COL25A1: variants seen among roughly 807,000 people sequenced by gnomAD.
COL25A1 encodes the protein collagen type XXV alpha 1 chain.
COL25A1 carries 103 observed loss-of-function variants against 128.4 expected under a neutral mutation model. That is an observed-to-expected ratio of 0.80 (90% CI 0.68 to 0.94). The LOEUF is 0.94. Among genes scored for constraint, COL25A1 ranks in the 40% least tolerant of loss-of-function variants. The probability of loss-of-function intolerance (pLI) is 0.00; values close to 1 mark genes in which losing one functional copy is unlikely to be tolerated. For missense variants in COL25A1, 745 were observed against 840.0 expected, an observed-to-expected ratio of 0.89 and a Z score of 1.40; for synonymous variants, 279 against 277.2, an observed-to-expected ratio of 1.01 and a Z score of -0.06.
At chr4:109,076,088 G>A (rs1440659000) in intron 3 of COL25A1, among the ~76,000 whole-genome samples, 1 of 152,164 alleles carries the variant, frequency 6.6e-6, no homozygotes, top group Non-Finnish European at 1.5e-5. Context: ...ATGATTTAAT[G>A]TGTAAGGGAG....
chr4:109,233,403 G>A (rs1209005364), intron 3 of COL25A1, among the ~76,000 whole-genome samples: 1 of 151,906 alleles, frequency 6.6e-6, no homozygotes, highest in Non-Finnish European at 1.5e-5. Flanking sequence ...GATCCAACTA[G>A]TACAAAACTA....
chr4:109,099,267 T>G (rs1206075976), intron 3 of COL25A1, among the ~76,000 whole-genome samples: 1 of 149,866 alleles, frequency 6.7e-6, no homozygotes, highest in South Asian at 2.1e-4. Context: ...TAACAACAAA[T>G]AAGAAATGAG....
intron 16 of COL25A1, 131 bp from the exon 17 acceptor site, chr4:108,889,864 G>T (rs1295450896): frequency 2.9e-6 from 2 of 698,288 alleles, no homozygotes; most frequent in Non-Finnish European, 5.0e-6. Flanking sequence ...CTACGTTCCA[G>T]AAGACTTTGT....
At chr4:108,912,744 A>G (rs1010962629) in intron 13 of COL25A1, among the ~76,000 whole-genome samples, 1 of 152,204 alleles carries the variant, frequency 6.6e-6, no homozygotes, top group African/African-American at 2.4e-5. Flanking sequence ...ACTTGACTCA[A>G]TGGCTTAAGC....
intron 6 of COL25A1, among the ~76,000 whole-genome samples, chr4:108,983,745 G>A (rs1578978430): frequency 6.6e-6 from 1 of 151,724 alleles, no homozygotes; most frequent in Non-Finnish European, 1.5e-5. Flanking sequence ...TCTTAAGGCG[G>A]TGCGTCTGGA....
rs139550052 is a variant in COL25A1 at position 109,026,341 on chromosome 4, A to G, written c.421-15966T>C. ...GAAATCAAGATTGGAGAGAATTTCAAGAAGGCAAATTGATTAAAACAAGGA... is the reference window on the plus strand; with the variant it reads ...GAAATCAAGATTGGAGAGAATTTCAGGAAGGCAAATTGATTAAAACAAGGA... On this transcript the variant is annotated intron_variant, in intron 5 of 37. Coordinates refer to ENST00000399132, the MANE Select transcript of COL25A1 (RefSeq NM_198721.4). 7.5e-3 allele frequency among the ~76,000 whole-genome samples: 1,147 copies of G among 152,330 alleles called. 6 individuals carry two copies. Among genetic ancestry groups the G allele is most frequent in the Middle Eastern group, 0.017 (5 of 294 alleles).
chr4:108,851,341 G>A (rs1196166844), intron 26 of COL25A1, among the ~76,000 whole-genome samples: 1 of 152,028 alleles, frequency 6.6e-6, no homozygotes, highest in Non-Finnish European at 1.5e-5. Context: ...CAGTAATATT[G>A]TAATTTATAT....
rs897779084 is a variant in COL25A1 at position 108,899,188 on chromosome 4, A to G, written c.835-8T>C. ...TTGTTCTCCAGGTTCTCCCTGAGCAAAAAGACAGAGATTGGGTGACATCAA... is the reference window on the plus strand; with the variant it reads ...TTGTTCTCCAGGTTCTCCCTGAGCAGAAAGACAGAGATTGGGTGACATCAA... On this transcript the variant is annotated splice_region_variant and splice_polypyrimidine_tract_variant and intron_variant, in intron 14 of 37. Transcript: ENST00000399132. The G allele has an allele frequency of 1.9e-6, 3 of 1,608,174 alleles. No homozygotes were observed. Among genetic ancestry groups the G allele is most frequent in the Middle Eastern group, 1.7e-4 (1 of 6,044 alleles).
intron 3 of COL25A1, among the ~76,000 whole-genome samples, chr4:109,248,269 C>CT (rs141123476): frequency 0.044 from 6,706 of 151,906 alleles, 489 homozygotes; most frequent in African/African-American, 0.15. Flanking sequence ...TTAATATTTC[C>CT]TTTTTTAGAC....
intron 8 of COL25A1, among the ~76,000 whole-genome samples, chr4:108,971,695 G>C (rs1751933116): frequency 6.6e-6 from 1 of 152,178 alleles, no homozygotes; most frequent in Admixed American, 6.5e-5. Context: ...TCATTCTAAA[G>C]TTTTACACAG....
intron 3 of COL25A1, among the ~76,000 whole-genome samples, chr4:109,241,886 T>C (rs1779920204): frequency 6.6e-6 from 1 of 152,112 alleles, no homozygotes; most frequent in South Asian, 2.1e-4. Context: ...CCTGATGTAT[T>C]CATAAGTCTT....
intron 3 of COL25A1, among the ~76,000 whole-genome samples, chr4:109,090,367 A>G (rs561680341): frequency 6.6e-6 from 1 of 152,244 alleles, no homozygotes; most frequent in South Asian, 2.1e-4. Context: ...CTTCACATAA[A>G]AATTTTTTCA....
intron 6 of COL25A1, among the ~76,000 whole-genome samples, chr4:108,991,238 A>G (rs764695439): frequency 2.6e-5 from 4 of 152,212 alleles, no homozygotes; most frequent in Non-Finnish European, 5.9e-5. Flanking sequence ...ATTAGAAAAC[A>G]TAGCATAAAG....
intron 31 of COL25A1, among the ~76,000 whole-genome samples, chr4:108,833,239 G>T (rs1488298632): frequency 6.6e-6 from 1 of 152,174 alleles, no homozygotes; most frequent in Non-Finnish European, 1.5e-5. Context: ...AGCTCTGTTG[G>T]GGGCAGCAGG....
At chr4:109,252,017 G>A (rs947209294) in intron 3 of COL25A1, among the ~76,000 whole-genome samples, 15 of 152,358 alleles carry the variant, frequency 9.8e-5, no homozygotes, top group African/African-American at 3.4e-4. Flanking sequence ...TGAAATCCAT[G>A]AGCATGGGAA....
At chr4:108,860,847 A>C in intron 23 of COL25A1, 80 bp downstream of exon 23, 1 of 1,150,950 alleles carries the variant, frequency 8.7e-7, no homozygotes. Context: ...TACAGATGTC[A>C]TATGAATAGC....
intron 3 of COL25A1, among the ~76,000 whole-genome samples, chr4:109,202,823 A>G (rs1259212275): frequency 6.6e-6 from 1 of 152,166 alleles, no homozygotes; most frequent in African/African-American, 2.4e-5. Flanking sequence ...ATATGGAGAT[A>G]ATAATACTTT....
At chr4:109,072,421 TCAAA>T (rs1560638423) in intron 3 of COL25A1, among the ~76,000 whole-genome samples, 2 of 152,110 alleles carry the variant, frequency 1.3e-5, no homozygotes, top group African/African-American at 4.8e-5. Context: ...TTTGAGAGAG[TCAAA>T]CAATGAGAAA....
At chr4:109,090,935 G>A (rs1019094885) in intron 3 of COL25A1, among the ~76,000 whole-genome samples, 12 of 152,104 alleles carry the variant, frequency 7.9e-5, no homozygotes, top group African/African-American at 2.9e-4. Flanking sequence ...ATGTTCTAAG[G>A]GAAGACCTTT....
Sources: gnomAD v4.1 joint callset for allele counts (sites outside exome capture counted in the v4.1 genomes callset) on GRCh38, gnomAD v4.1.1 for gene constraint, MANE v1.5 for transcripts, NCBI Gene and HGNC (gene_info 2026-07-23, HGNC 2026-07-21) for gene names.